Variants in ATP1B1 observed in about 807,000 individuals in gnomAD.
ATP1B1 encodes the protein ATPase Na+/K+ transporting subunit beta 1, also known as sodium/potassium-transporting ATPase subunit beta-1.
Under a neutral mutation model 39.6 loss-of-function variants are expected in ATP1B1, and 3 were observed. The ratio of observed to expected loss-of-function variants is 0.08; its 90% CI spans 0.03 to 0.20. The LOEUF is 0.20. ATP1B1 is among the 10% of genes least tolerant of loss of function. ATP1B1 has a pLI of 1.00. For missense variants in ATP1B1, 216 were observed against 371.1 expected (o/e 0.58, Z 3.43); for synonymous variants, 139 against 135.0 (o/e 1.03, Z -0.20).
In ATP1B1 at chr1:169,118,495, GGC is replaced by G. The variant is rs551076299; in HGVS notation, c.227-6386_227-6385del. 5.3e-5 allele frequency among the ~76,000 whole-genome samples: 8 copies of G among 152,306 alleles called. No homozygotes were observed. In the South Asian group the frequency reaches 1.7e-3, roughly 32 times the overall value. On this transcript the variant is annotated intron_variant, in intron 2 of 5. Transcript: ENST00000367815. The stretch of plus-strand genomic sequence containing the variant: ...GTGGCTAGTTTCCAGAAAGTGCAAA[GGC>G]GCCTTTTTTCTGTGCCTCTCCCCTT...
Position 169,124,312 on chromosome 1 carries a change from C to T in ATP1B1, c.227-572C>T, listed in dbSNP as rs566907834. Among the ~76,000 whole-genome samples the T allele has an allele frequency of 7.0e-4, 106 of 152,258 alleles. 1 individual carries two copies. The highest frequency in any genetic ancestry group is 2.3e-3 in the African/African-American group (97 of 41,548). On this transcript the variant is annotated intron_variant, in intron 2 of 5. Coordinates refer to ENST00000367815, the MANE Select transcript of ATP1B1 (RefSeq NM_001677.4). ...CTGCATGTATGTCCCAAATTCTTCC[C>T]GTTTAGTTTAAAAGATCCAAAGAAA...
At chr1:169,107,820 G>A (rs1571217237) in intron 1 of ATP1B1, 1 of 151,490 alleles carries the variant, frequency 6.6e-6, no homozygotes, top group South Asian at 2.1e-4. Flanking sequence ...TCTATGAGTC[G>A]TGACTGCGTG....
At chr1:169,130,166 A>T in intron 5 of ATP1B1, 76 bp downstream of exon 5, 4 of 1,251,638 alleles carry the variant, frequency 3.2e-6, no homozygotes, top group Non-Finnish European at 4.6e-6. Context: ...AAGACTGTTT[A>T]AGTGACAGGT....
intron 2 of ATP1B1, among the ~76,000 whole-genome samples, chr1:169,117,089 T>C (rs1657864960): frequency 6.6e-6 from 1 of 152,072 alleles, no homozygotes; most frequent in African/African-American, 2.4e-5. Flanking sequence ...TTTGGAGGGG[T>C]TGTTAGTGCA....
chr1:169,109,519 A>C (rs1425652289), intron 1 of ATP1B1, among the ~76,000 whole-genome samples: 1 of 152,196 alleles, frequency 6.6e-6, no homozygotes, highest in African/African-American at 2.4e-5. Flanking sequence ...CAGAGCAAAA[A>C]GGGAAAATTC....
intron 1 of ATP1B1, chr1:169,110,570 T>TC: frequency 1.8e-6 from 1 of 543,194 alleles, no homozygotes; most frequent in East Asian, 9.6e-5. Context: ...GTTGAGTCTT[T>TC]TTTTTTTTTT....
chr1:169,124,768 C>A (rs192083271), intron 2 of ATP1B1, 116 bp from the exon 3 acceptor site: 33 of 1,182,286 alleles, frequency 2.8e-5, no homozygotes, highest in African/African-American at 4.7e-5. Flanking sequence ...GGAGGCAAGA[C>A]CCTTTCTTTT....
intron 2 of ATP1B1, among the ~76,000 whole-genome samples, chr1:169,114,671 G>T (rs2101778615): frequency 6.6e-6 from 1 of 152,302 alleles, no homozygotes; most frequent in Non-Finnish European, 1.5e-5. Context: ...AATGGTGAAT[G>T]TGTACAGCTT....
At chr1:169,130,140 A>G in intron 5 of ATP1B1, 50 bp downstream of exon 5, 3 of 1,498,774 alleles carry the variant, frequency 2.0e-6, no homozygotes, top group South Asian at 2.3e-5. Context: ...AGGCAGAGGA[A>G]GAGGGGAGAA....
At chr1:169,130,708 G>A (rs34645703) in intron 5 of ATP1B1, among the ~76,000 whole-genome samples, 18,957 of 148,608 alleles carry the variant, frequency 0.13, 2,448 homozygotes, top group East Asian at 0.73. Context: ...GCTTGGACCT[G>A]GGAGGCGGAG....
chr1:169,113,091 A>T lies in ATP1B1; in HGVS notation c.226+1593A>T, dbSNP rs545724544. Among the ~76,000 whole-genome samples the T allele has an allele frequency of 7.0e-4, 105 of 150,112 alleles. 2 individuals carry two copies. The highest frequency in any genetic ancestry group is 4.4e-3 in the South Asian group (21 of 4,720). ...TAATTCTTTTTTTTTTTTGAGACAG[A>T]GTTTTGCTCTGTCACCTAGGCTGGA... On this transcript the variant is annotated intron_variant, in intron 2 of 5. Coordinates refer to ENST00000367815, the MANE Select transcript of ATP1B1 (RefSeq NM_001677.4).
Position 169,131,799 on chromosome 1 carries a change from T to A in ATP1B1, c.*244T>A. Reference sequence around the variant, plus strand: ...AAAATTGAGCCTTGGGACGTGCCCATTTTTACTGTAAATTATGATTCCGTA... The same window carrying A: ...AAAATTGAGCCTTGGGACGTGCCCAATTTTACTGTAAATTATGATTCCGTA... On this transcript the variant is annotated 3_prime_UTR_variant, in exon 6 of 6. Transcript: ENST00000367815. This position sits in a 1 kb window ranked among gnomAD's most constrained non-coding sequence, Gnocchi z 4.4. 2.0e-6 allele frequency: 1 copy of A among 499,718 alleles called. No individual in the cohort carries two copies. The highest frequency in any genetic ancestry group is 3.6e-5 in the East Asian group (1 of 27,484). The allele number at this position is 499,718 out of a possible 1,614,324, so 31.0% of individuals were successfully genotyped here. A position where few individuals can be genotyped will look rare whatever the true frequency, so the allele number is the denominator to read the frequency against.
At position 169,131,461 on chromosome 1, in the gene ATP1B1, G is replaced by A; in HGVS notation, c.818G>A (p.Arg273His). 6.2e-7 allele frequency: 1 copy of A among 1,614,112 alleles called. No homozygotes were observed. Among genetic ancestry groups the A allele is most frequent in the Non-Finnish European group, 8.5e-7 (1 of 1,180,030 alleles). Residue 273 changes from arginine to histidine, a missense_variant, in exon 6 of 6, where the codon CGC becomes CAC. Transcript: ENST00000367815. The surrounding 1 kb of genome is among the most constrained non-coding windows in gnomAD (Gnocchi z 4.4). ...AATCTTACCATGGACACTGAAATTC[G>A]CATAGAGTGTAAGGCGTACGGTGAG... is the stretch of plus-strand genomic sequence containing the variant. ...FTNLTMDTEI[R>H]IECKAYGENI...
chr1:169,125,537 A>G (rs1427745823), intron 3 of ATP1B1, among the ~76,000 whole-genome samples: 1 of 152,220 alleles, frequency 6.6e-6, no homozygotes, highest in Non-Finnish European at 1.5e-5. Flanking sequence ...TGTGTTAGGC[A>G]GCTGATCGTT....
At position 169,131,189 on chromosome 1, in the gene ATP1B1, C is replaced by T; in HGVS notation, c.649-103C>T. On this transcript the variant is annotated intron_variant, in intron 5 of 5. Transcript: ENST00000367815. This position sits in a 1 kb window ranked among gnomAD's most constrained non-coding sequence, Gnocchi z 4.4. ...AGACTGAGTAGATGTTCTTTCCTCT[C>T]TCAGTAGTTTGCAAACTACTGTGTA... The T allele has an allele frequency of 1.4e-6, 2 of 1,415,262 alleles. No homozygotes were observed. Among genetic ancestry groups the T allele is most frequent in the South Asian group, 2.7e-5 (2 of 74,416 alleles). 87.7% of individuals were successfully genotyped at this position (1,415,262 alleles called of 1,614,324 possible).
chr1:169,119,635 T>C (rs1042453649), intron 2 of ATP1B1, among the ~76,000 whole-genome samples: 1 of 152,184 alleles, frequency 6.6e-6, no homozygotes, highest in African/African-American at 2.4e-5. Flanking sequence ...TGTGCAGCCC[T>C]TGGAGAATGT....
At chr1:169,106,977 C>T in intron 1 of ATP1B1, 51 bp downstream of exon 1, 6 of 1,505,688 alleles carry the variant, frequency 4.0e-6, no homozygotes, top group Non-Finnish European at 5.4e-6. Context: ...CTTTCCCGGG[C>T]GGCGCATCCC....
intron 3 of ATP1B1, among the ~76,000 whole-genome samples, chr1:169,126,618 G>A (rs567355026): frequency 6.6e-6 from 1 of 152,282 alleles, no homozygotes; most frequent in Non-Finnish European, 1.5e-5. Context: ...TGCTGAGGTG[G>A]GAGGATCTTT....
At chr1:169,116,210 A>T (rs560371617) in intron 2 of ATP1B1, among the ~76,000 whole-genome samples, 1 of 152,188 alleles carries the variant, frequency 6.6e-6, no homozygotes, top group African/African-American at 2.4e-5. Context: ...CACATCCGCC[A>T]TTGCCCTTCC....
Sources: allele counts gnomAD v4.1 joint callset (sites outside exome capture counted in the v4.1 genomes callset), GRCh38; gene constraint gnomAD v4.1.1; non-coding constraint Gnocchi (gnomAD v3.1); transcripts MANE v1.5; gene names NCBI Gene and HGNC (gene_info 2026-07-23, HGNC 2026-07-21).